ADAMTS7: variants seen among roughly 807,000 people sequenced by gnomAD.
ADAMTS7 encodes A disintegrin and metalloproteinase with thrombospondin motifs 7.
ADAMTS7 carries 89 observed loss-of-function variants against 172.6 expected under a neutral mutation model. The ratio of observed to expected loss-of-function variants is 0.52; its 90% CI spans 0.43 to 0.61. The LOEUF is 0.61. ADAMTS7 is among the 20% of genes least tolerant of loss of function. The pLI is 0.00. For synonymous variants in ADAMTS7, 885 were observed against 978.4 expected (o/e 0.90, Z 1.78); for missense variants, 1,973 against 2,355.6 (o/e 0.84, Z 3.36).
intron 12 of ADAMTS7, 76 bp downstream of exon 12, chr15:78,774,548 G>A (rs1283638136): frequency 1.5e-5 from 24 of 1,599,378 alleles, no homozygotes; most frequent in Admixed American, 6.7e-5. Flanking sequence ...CCTCCTGCTC[G>A]CATCACAGGG....
intron 18 of ADAMTS7, 103 bp downstream of exon 18, chr15:78,767,276 G>A: frequency 7.0e-7 from 1 of 1,433,156 alleles, no homozygotes; most frequent in Admixed American, 2.0e-5. Context: ...GGAATGCCCA[G>A]GTTCCCTCCC....
chr15:78,769,545 CCTT>C (rs1436586082), intron 16 of ADAMTS7, among the ~76,000 whole-genome samples: 1 of 152,230 alleles, frequency 6.6e-6, no homozygotes, highest in Non-Finnish European at 1.5e-5. Flanking sequence ...TTTTCCCTCT[CCTT>C]CTTCCTGCCC....
rs1596171763 is a variant in ADAMTS7 at position 78,764,707 on chromosome 15, A to G, written c.4267T>C (p.Cys1423Arg). 1.3e-6 allele frequency: 2 copies of G among 1,513,604 alleles called. No individual in the cohort carries two copies. The highest frequency in any genetic ancestry group is 1.8e-6 in the Non-Finnish European group (2 of 1,138,854). The allele number at this position is 1,513,604 out of a possible 1,614,324, so 93.8% of individuals were successfully genotyped here. A position where few individuals can be genotyped will look rare whatever the true frequency, so the allele number is the denominator to read the frequency against. Residue 1423 changes from cysteine (C) to arginine (R), a missense_variant and splice_region_variant, in exon 20 of 24, where the codon TGC becomes CGC. Coordinates refer to ENST00000388820, the MANE Select transcript of ADAMTS7 (RefSeq NM_014272.5). ...AGWQAGNWSECSTTCGLGAVW... is the reference protein window; with the variant it reads ...AGWQAGNWSERSTTCGLGAVW... ...GCACCCAGGCCACAGGTGGTAGAGCACTGCGGGGCAGAGACCCGTGAAAGC... is the reference window on the plus strand; with the variant it reads ...GCACCCAGGCCACAGGTGGTAGAGCGCTGCGGGGCAGAGACCCGTGAAAGC...
chr15:78,808,252 C>A (rs950577732), intron 1 of ADAMTS7, among the ~76,000 whole-genome samples: 2 of 151,982 alleles, frequency 1.3e-5, no homozygotes, highest in African/African-American at 4.8e-5. Context: ...CAGATTTTTT[C>A]TTTTGAGACA....
Position 78,764,051 on chromosome 15 carries a change from C to A in ADAMTS7, c.4468G>T (p.Val1490Leu). ...GGSSVRDVQC[V>L]DTRDLRPLRP... is the part of the protein sequence containing the mutation. ...AGTGGCCGGAGGTCCCGTGTGTCCA[C>A]ACACTGCACGTCCCGCACTGAGGAA... Residue 1490 changes from valine to leucine, a missense_variant, in exon 21 of 24, where the codon GTG becomes TTG. Val to Leu is a conservative substitution (Grantham distance 32). Transcript: ENST00000388820. 1 of 1,539,150 alleles carries A rather than the reference C, an allele frequency of 6.5e-7. No homozygotes were observed. Among genetic ancestry groups the A allele is most frequent in the Non-Finnish European group, 8.8e-7 (1 of 1,141,260 alleles).
chr15:78,776,706 G>T (rs532215960), intron 10 of ADAMTS7, 43 bp downstream of exon 10: 5 of 1,504,112 alleles, frequency 3.3e-6, no homozygotes, highest in Middle Eastern at 1.7e-4. Flanking sequence ...CAGGAAGTCT[G>T]GCCTCTCACA....
intron 6 of ADAMTS7, among the ~76,000 whole-genome samples, chr15:78,790,319 C>G (rs756652140): frequency 6.6e-6 from 1 of 152,062 alleles, no homozygotes; most frequent in Non-Finnish European, 1.5e-5. Flanking sequence ...AAGGGAAGTA[C>G]GTGTGGAACT....
chr15:78,763,653 C>A, intron 22 of ADAMTS7, 46 bp downstream of exon 22: 2 of 1,501,902 alleles, frequency 1.3e-6, no homozygotes, highest in Non-Finnish European at 1.8e-6. Context: ...ACTGACCAGG[C>A]GCCACCAAGC....
Position 78,777,534 on chromosome 15 carries a change from G to A in ADAMTS7, c.1377C>T (p.Phe459=), listed in dbSNP as rs2055367365. ...DDPPAKDIID[F]PSVPPGVLYD... ...AGAGGACGCCAGGTGGCACCGAGGGGAAGTCGATAATGTCCTTGGCAGGAG... is the reference window on the plus strand; with the variant it reads ...AGAGGACGCCAGGTGGCACCGAGGGAAAGTCGATAATGTCCTTGGCAGGAG... The change falls in exon 9 of 24, where the codon TTC becomes TTT. Residue 459 remains phenylalanine, a synonymous_variant. Transcript: ENST00000388820. 1 of 1,610,206 alleles carries A rather than the reference G, an allele frequency of 6.2e-7. No individual in the cohort carries two copies. Among genetic ancestry groups the A allele is most frequent in the Non-Finnish European group, 8.5e-7 (1 of 1,178,440 alleles).
Position 78,793,202 on chromosome 15 carries a change from A to G in ADAMTS7, c.820-1979T>C, listed in dbSNP as rs377313703. 1.8e-4 allele frequency among the ~76,000 whole-genome samples: 28 copies of G among 152,268 alleles called. No individual in the cohort carries two copies. The East Asian group carries it at 2.1e-3, about 12-fold the overall frequency. The stretch of plus-strand genomic sequence containing the variant: ...AAGTGAAGCTCAAAGAGAGGGTAAA[A>G]CTGGGCTCAGAACCCAGGTTTCGCT... On this transcript the variant is annotated intron_variant, in intron 4 of 23. Coordinates refer to ENST00000388820, the MANE Select transcript of ADAMTS7 (RefSeq NM_014272.5).
intron 23 of ADAMTS7, among the ~76,000 whole-genome samples, chr15:78,760,762 C>G (rs1018339465): frequency 3.9e-5 from 6 of 152,204 alleles, no homozygotes; most frequent in African/African-American, 1.2e-4. Context: ...TCCCAGCCCC[C>G]CTCCACTGTT....
intron 4 of ADAMTS7, among the ~76,000 whole-genome samples, chr15:78,791,874 C>T (rs923563220): frequency 6.6e-6 from 1 of 152,148 alleles, no homozygotes; most frequent in East Asian, 1.9e-4. Context: ...TACTGAGACC[C>T]AGGAGACGGG....
At chr15:78,787,382 G>A (rs1454965854) in intron 8 of ADAMTS7, among the ~76,000 whole-genome samples, 3 of 147,552 alleles carry the variant, frequency 2.0e-5, no homozygotes, top group Non-Finnish European at 4.5e-5. Context: ...AGAACAGGCC[G>A]GGCATGGTGC....
chr15:78,768,057 G>T (rs1295364947), intron 17 of ADAMTS7, 76 bp downstream of exon 17: 5 of 1,172,246 alleles, frequency 4.3e-6, no homozygotes, highest in Non-Finnish European at 6.0e-6. Context: ...ATGGGGTGGG[G>T]AGTTGGCGGG....
At chr15:78,774,097 A>G (rs1299861935) in intron 13 of ADAMTS7, 70 bp downstream of exon 13, 23 of 1,565,348 alleles carry the variant, frequency 1.5e-5, no homozygotes, top group Non-Finnish European at 2.0e-5. Flanking sequence ...GACCCAGGAG[A>G]GAACCTGGGG....
chr15:78,809,718 A>C (rs2055840174), intron 1 of ADAMTS7, among the ~76,000 whole-genome samples: 1 of 152,166 alleles, frequency 6.6e-6, no homozygotes, highest in South Asian at 2.1e-4. Flanking sequence ...TCCCATTCCC[A>C]TCGCCCGGTT....
Position 78,796,817 on chromosome 15 carries a change from C to A in ADAMTS7, c.623-31G>T, listed in dbSNP as rs751894382. ...GGCCCAGATGGGGTGGAGTTAGCTG[C>A]CAGTGGACAGGCCCAGGGCACACGT... On this transcript the variant is annotated intron_variant, in intron 3 of 23. Coordinates refer to ENST00000388820, the MANE Select transcript of ADAMTS7 (RefSeq NM_014272.5). The A allele has an allele frequency of 4.4e-6, 7 of 1,578,470 alleles. No homozygotes were observed. In the Admixed American group the frequency reaches 1.3e-4, roughly 28 times the overall value.
intron 7 of ADAMTS7, 69 bp from the exon 8 acceptor site, chr15:78,788,443 C>T (rs1320057031): frequency 3.2e-6 from 5 of 1,582,368 alleles, no homozygotes; most frequent in African/African-American, 1.3e-5. Flanking sequence ...CTCCCCTGGA[C>T]ACCCACAAGG....
At chr15:78,784,791 C>T (rs2055479267) in intron 8 of ADAMTS7, among the ~76,000 whole-genome samples, 1 of 151,982 alleles carries the variant, frequency 6.6e-6, no homozygotes, top group Admixed American at 6.6e-5. Context: ...TAGAAGACAA[C>T]AGAAAAATGC....
Sources: allele counts gnomAD v4.1 joint callset (sites outside exome capture counted in the v4.1 genomes callset), GRCh38; gene constraint gnomAD v4.1.1; transcripts MANE v1.5; gene names NCBI Gene and HGNC (gene_info 2026-07-23, HGNC 2026-07-21).